The following SLC1A1 variants were observed in gnomAD, a reference collection of about 807,000 sequenced individuals.
SLC1A1 encodes excitatory amino acid transporter 3.
Under a neutral mutation model 53.3 loss-of-function variants are expected in SLC1A1, and 43 were observed. That is an observed-to-expected ratio of 0.81 (90% CI 0.63 to 1.04). The LOEUF (loss-of-function observed/expected upper bound fraction) is 1.04, where lower values mean the gene tolerates loss of function less well. Ranked by LOEUF, SLC1A1 falls within the 50% of genes least tolerant of loss-of-function variation. The pLI is 0.00. For synonymous variants in SLC1A1, 307 were observed against 243.2 expected, an observed-to-expected ratio of 1.26 and a Z score of -2.44; for missense variants, 748 against 664.9, an observed-to-expected ratio of 1.12 and a Z score of -1.37.
At chr9:4,512,761 C>G (rs1419672725) in intron 1 of SLC1A1, among the ~76,000 whole-genome samples, 2 of 151,772 alleles carry the variant, frequency 1.3e-5, no homozygotes, top group Admixed American at 1.3e-4. Flanking sequence ...CCCAGTTGGT[C>G]TTTTTTATTT....
intron 3 of SLC1A1, among the ~76,000 whole-genome samples, chr9:4,562,403 G>A (rs570469544): frequency 1.3e-5 from 2 of 152,214 alleles, no homozygotes; most frequent in South Asian, 2.1e-4. Flanking sequence ...TGGATGATTG[G>A]TCTATAATAG....
chr9:4,541,890 A>C (rs1305944770), intron 1 of SLC1A1, among the ~76,000 whole-genome samples: 1 of 152,006 alleles, frequency 6.6e-6, no homozygotes, highest in Non-Finnish European at 1.5e-5. Context: ...CAAGGTTCTG[A>C]CTCTGTTAAT....
Position 4,572,258 on chromosome 9 carries a change from C to T in SLC1A1, c.637C>T (p.Leu213=). ...VGMYSDGINV[L]GLIVFCLVFG... ...CATGTATTCAGATGGCATAAACGTC[C>T]TGGGCTTGATTGTCTTTTGCCTTGT... The change falls in exon 7 of 12, where the codon CTG becomes TTG. Residue 213 remains leucine, a synonymous_variant. Coordinates refer to ENST00000262352, the MANE Select transcript of SLC1A1 (RefSeq NM_004170.6). 1 of 1,614,086 alleles carries T rather than the reference C, an allele frequency of 6.2e-7. No individual in the cohort carries two copies. Among genetic ancestry groups the T allele is most frequent in the Non-Finnish European group, 8.5e-7 (1 of 1,179,968 alleles).
intron 2 of SLC1A1, among the ~76,000 whole-genome samples, chr9:4,551,626 G>T (rs542508174): frequency 1.3e-5 from 2 of 152,176 alleles, no homozygotes; most frequent in East Asian, 1.9e-4. Flanking sequence ...AACATTGGTG[G>T]TCCATTATAC....
intron 2 of SLC1A1, among the ~76,000 whole-genome samples, chr9:4,557,049 G>A (rs1267891987): frequency 1.3e-5 from 2 of 152,168 alleles, no homozygotes; most frequent in African/African-American, 4.8e-5. Context: ...CCATGTATAA[G>A]CGGTTTCTAA....
chr9:4,534,091 C>A (rs1158144667), intron 1 of SLC1A1, among the ~76,000 whole-genome samples: 2 of 152,100 alleles, frequency 1.3e-5, no homozygotes, highest in Non-Finnish European at 2.9e-5. Context: ...CCACTAAATG[C>A]CCACAACAGA....
chr9:4,572,338 C>T lies in SLC1A1; in HGVS notation c.717C>T (p.Phe239=), dbSNP rs1445837589. ...AAAAGGGACAAATTCTGGTGGATTT[C>T]TTCAATGCTTTGAGTGATGCAACCA... is the stretch of plus-strand genomic sequence containing the variant. ...MGEKGQILVD[F]FNALSDATMK... Residue 239 remains phenylalanine (F), a synonymous_variant, in exon 7 of 12, where the codon TTC becomes TTT. Transcript: ENST00000262352. The T allele has an allele frequency of 3.1e-6, 5 of 1,614,124 alleles. No homozygotes were observed. The highest frequency in any genetic ancestry group is 4.2e-6 in the Non-Finnish European group (5 of 1,179,988).
chr9:4,584,077 T>G (rs1464291969), intron 11 of SLC1A1, among the ~76,000 whole-genome samples: 1 of 152,228 alleles, frequency 6.6e-6, no homozygotes, highest in Non-Finnish European at 1.5e-5. Flanking sequence ...AGGTAAGTAT[T>G]GCTCCACATG....
At chr9:4,511,070 G>C (rs1820982865) in intron 1 of SLC1A1, among the ~76,000 whole-genome samples, 1 of 152,284 alleles carries the variant, frequency 6.6e-6, no homozygotes, top group East Asian at 1.9e-4. Context: ...AGTTACAAAA[G>C]CCAGGAAGTC....
chr9:4,576,515 G>A, intron 9 of SLC1A1, 54 bp from the exon 10 acceptor site: 1 of 1,455,358 alleles, frequency 6.9e-7, no homozygotes, highest in Non-Finnish European at 9.7e-7. Flanking sequence ...CTTCAGGCAG[G>A]GACTAAGGTC....
intron 1 of SLC1A1, among the ~76,000 whole-genome samples, chr9:4,514,016 T>A (rs1821080517): frequency 6.6e-6 from 1 of 152,038 alleles, no homozygotes; most frequent in Non-Finnish European, 1.5e-5. Context: ...AACAGACTAG[T>A]GGTTGCTAGA....
intron 1 of SLC1A1, among the ~76,000 whole-genome samples, chr9:4,491,115 G>T (rs1820220063): frequency 6.6e-6 from 1 of 152,166 alleles, no homozygotes; most frequent in South Asian, 2.1e-4. Context: ...TGTTAATCCC[G>T]CACCGTATCT....
intron 10 of SLC1A1, among the ~76,000 whole-genome samples, chr9:4,579,956 C>T (rs923227902): frequency 1.3e-5 from 2 of 152,158 alleles, no homozygotes; most frequent in African/African-American, 4.8e-5. Flanking sequence ...AGCGATGGCT[C>T]AGACCTGTAA....
At chr9:4,558,365 T>C (rs1406636967) in intron 2 of SLC1A1, among the ~76,000 whole-genome samples, 6 of 152,068 alleles carry the variant, frequency 3.9e-5, no homozygotes, top group African/African-American at 1.5e-4. Flanking sequence ...AACTATACAG[T>C]GTAGAGAAGT....
intron 1 of SLC1A1, among the ~76,000 whole-genome samples, chr9:4,515,597 C>A (rs1821134441): frequency 2.2e-5 from 2 of 90,558 alleles, no homozygotes. Context: ...GAAGACAAAC[C>A]CTTGATGAAC....
At chr9:4,541,098 T>C (rs959623819) in intron 1 of SLC1A1, among the ~76,000 whole-genome samples, 1 of 152,112 alleles carries the variant, frequency 6.6e-6, no homozygotes, top group Non-Finnish European at 1.5e-5. Flanking sequence ...GCTTTGGGGG[T>C]CCAGGTACTT....
At chr9:4,531,437 G>A (rs1023475066) in intron 1 of SLC1A1, among the ~76,000 whole-genome samples, 11 of 152,164 alleles carry the variant, frequency 7.2e-5, no homozygotes, top group Non-Finnish European at 1.3e-4. Context: ...AGGGTCCTAC[G>A]CCCGCAGAGA....
At chr9:4,528,562 C>T (rs1003886650) in intron 1 of SLC1A1, among the ~76,000 whole-genome samples, 1 of 152,086 alleles carries the variant, frequency 6.6e-6, no homozygotes, top group Admixed American at 6.5e-5. Context: ...GGAGACAGAG[C>T]AGGACTCCGT....
chr9:4,541,228 AG>A (rs1460546324), intron 1 of SLC1A1, among the ~76,000 whole-genome samples: 1 of 152,204 alleles, frequency 6.6e-6, no homozygotes, highest in Non-Finnish European at 1.5e-5. Flanking sequence ...AGTTTTAAAG[AG>A]TTTATTCAAG....
Sources: allele counts gnomAD v4.1 joint callset (sites outside exome capture counted in the v4.1 genomes callset), GRCh38; gene constraint gnomAD v4.1.1; transcripts MANE v1.5; gene names NCBI Gene and HGNC (gene_info 2026-07-23, HGNC 2026-07-21).